The following CERS4 variants were observed in gnomAD, a reference collection of about 807,000 sequenced individuals.
CERS4 encodes the protein ceramide synthase 4.
Under a neutral mutation model 51.8 loss-of-function variants are expected in CERS4, and 65 were observed. The ratio of observed to expected loss-of-function variants is 1.26; its 90% CI spans 1.03 to 1.54. The LOEUF (loss-of-function observed/expected upper bound fraction) is 1.54. Ranked by LOEUF, CERS4 falls within the 40% of genes most tolerant of loss-of-function variation. CERS4 has a pLI of 0.00. For synonymous variants in CERS4, 228 were observed against 208.4 expected (o/e 1.09, Z -0.81); for missense variants, 563 against 500.4 (o/e 1.13, Z -1.19).
At chr19:8,215,478 CAA>C (rs571513195) in intron 2 of CERS4, among the ~76,000 whole-genome samples, 1 of 128,514 alleles carries the variant, frequency 7.8e-6, no homozygotes, top group Non-Finnish European at 1.7e-5. Context: ...GACTCTGTCT[CAA>C]AAAAAAAAAA....
chr19:8,209,497 A>G lies in CERS4; in HGVS notation c.-159+3A>G, dbSNP rs865807212. On this transcript the variant is annotated splice_donor_region_variant and intron_variant, in intron 1 of 11. Transcript: ENST00000251363. ...CGCCCGGCCGCCTGCACCCCCAGGT[A>G]AGCGAGCACCCCGCGCCGCGAACAC... is the stretch of plus-strand genomic sequence containing the variant. The G allele has an allele frequency of 6.6e-6, 1 of 151,674 alleles. No homozygotes were observed. Among genetic ancestry groups the G allele is most frequent in the South Asian group, 2.1e-4 (1 of 4,852 alleles). 9.4% of individuals were successfully genotyped at this position (151,674 alleles called of 1,614,324 possible).
rs1568540424 is a variant in CERS4, at chr19:8,257,983, CCAGT to C, written c.847_848+2del. 6 of 1,612,692 alleles carry C rather than the reference CCAGT, an allele frequency of 3.7e-6. No individual in the cohort carries two copies. The highest frequency in any genetic ancestry group is 5.1e-6 in the Non-Finnish European group (6 of 1,179,072). ...ACACCCGACTGGTCCTCTTTCCCAC[CCAGT>C]GAGTCAGCCCTCCCATGGGGGTCAG... On this transcript the variant is annotated splice_donor_variant and coding_sequence_variant, in exon 10 of 12. Transcript: ENST00000251363. LOFTEE classifies it high-confidence loss of function.
intron 2 of CERS4, chr19:8,238,436 G>A (rs763188795): frequency 2.0e-4 from 171 of 873,936 alleles, no homozygotes; most frequent in Non-Finnish European, 2.3e-4. Flanking sequence ...TTGGAAAAAG[G>A]GCACTGATGC....
At chr19:8,229,698 CA>C (rs1272172026) in intron 2 of CERS4, among the ~76,000 whole-genome samples, 38 of 152,072 alleles carry the variant, frequency 2.5e-4, no homozygotes, top group African/African-American at 8.9e-4. Context: ...AGGTGTGAGC[CA>C]ACATGCCCAG....
chr19:8,211,010 A>G (rs1242009680), intron 2 of CERS4, 148 bp downstream of exon 2: 1 of 151,744 alleles, frequency 6.6e-6, no homozygotes, highest in African/African-American at 2.4e-5. Context: ...TCATGGATCG[A>G]TGAAAGCCGA....
chr19:8,220,021 T>C (rs915695881), intron 2 of CERS4, among the ~76,000 whole-genome samples: 17 of 151,536 alleles, frequency 1.1e-4, no homozygotes, highest in Non-Finnish European at 1.5e-4. Context: ...GATACATACC[T>C]GGGGACCCTG....
chr19:8,221,884 T>TGTTG (rs764034951), intron 2 of CERS4, among the ~76,000 whole-genome samples: 1 of 96,780 alleles, frequency 1.0e-5, no homozygotes, highest in East Asian at 3.0e-4. Context: ...TTTTTTTTTT[T>TGTTG]TTTTTTTTTT....
chr19:8,256,664 T>TCTA lies in CERS4; in HGVS notation c.568_570dup (p.Tyr190dup). On this transcript the variant is annotated inframe_insertion, in exon 8 of 12. Transcript: ENST00000251363. Reference sequence around the variant, plus strand: ...TGGTGGTACCTCTTGGAGCTGGGTTTCTACCTCTCACTGCTAATCAGGCTG... The same window carrying TCTA: ...TGGTGGTACCTCTTGGAGCTGGGTTTCTACTACCTCTCACTGCTAATCAGGCTG... 6.2e-7 allele frequency: 1 copy of TCTA among 1,613,986 alleles called. No homozygotes were observed. The highest frequency in any genetic ancestry group is 2.2e-5 in the East Asian group (1 of 44,880).
rs565319500 is a variant in CERS4, at chr19:8,219,392, C to T, written c.-2+8530C>T. Among the ~76,000 whole-genome samples, 24 of 152,288 alleles carry T rather than the reference C, an allele frequency of 1.6e-4. No individual in the cohort carries two copies. The East Asian group carries it at 3.3e-3, about 21-fold the overall frequency. Reference sequence around the variant, plus strand: ...CAGATGGATGCCTGGAGGCCGGACACGGTGGCTTGCACCTGTCATCCCAAC... The same window carrying T: ...CAGATGGATGCCTGGAGGCCGGACATGGTGGCTTGCACCTGTCATCCCAAC... On this transcript the variant is annotated intron_variant, in intron 2 of 11. Transcript: ENST00000251363.
At chr19:8,228,758 T>TC (rs1447556784) in intron 2 of CERS4, among the ~76,000 whole-genome samples, 1 of 151,342 alleles carries the variant, frequency 6.6e-6, no homozygotes, top group African/African-American at 2.4e-5. Flanking sequence ...TCATGGTGGC[T>TC]CATGCCTGTA....
At chr19:8,219,907 C>T (rs1599514174) in intron 2 of CERS4, among the ~76,000 whole-genome samples, 2 of 151,706 alleles carry the variant, frequency 1.3e-5, no homozygotes, top group East Asian at 3.9e-4. Context: ...CATTTGAACC[C>T]AAGAGTTTGA....
At chr19:8,260,266 CCCA>C (rs907496142) in intron 10 of CERS4, among the ~76,000 whole-genome samples, 27 of 151,436 alleles carry the variant, frequency 1.8e-4, no homozygotes, top group African/African-American at 6.3e-4. Flanking sequence ...GTGATCTCAG[CCCA>C]CCACAACCTC....
At position 8,257,932 on chromosome 19, in the gene CERS4, C is replaced by T. The variant is rs978815201; in HGVS notation, c.795C>T (p.Phe265=). 1 of 1,614,078 alleles carries T rather than the reference C, an allele frequency of 6.2e-7. No homozygotes were observed. Among genetic ancestry groups the T allele is most frequent in the African/African-American group, 1.3e-5 (1 of 75,048 alleles). ...ATCAGCAAGTGTGCGACGCTCTCTTCCTCATCTTCTCCTTTGTCTTCTTCT... is the reference window on the plus strand; with the variant it reads ...ATCAGCAAGTGTGCGACGCTCTCTTTCTCATCTTCTCCTTTGTCTTCTTCT... ...MQYQQVCDAL[F]LIFSFVFFYT... Residue 265 remains phenylalanine (F), a synonymous_variant, in exon 10 of 12, where the codon TTC becomes TTT. Coordinates refer to ENST00000251363, the MANE Select transcript of CERS4 (RefSeq NM_024552.3).
intron 2 of CERS4, among the ~76,000 whole-genome samples, chr19:8,244,547 C>T (rs1348980955): frequency 6.6e-6 from 1 of 152,018 alleles, no homozygotes; most frequent in African/African-American, 2.4e-5. Flanking sequence ...GCATTTGGCT[C>T]TTGGGGGGCC....
At chr19:8,257,706 A>C (rs1969470217) in intron 9 of CERS4, among the ~76,000 whole-genome samples, 173 bp from the exon 10 acceptor site, 1 of 152,302 alleles carries the variant, frequency 6.6e-6, no homozygotes, top group African/African-American at 2.4e-5. Context: ...CTGGGATTAC[A>C]GGCGTGAGCC....
chr19:8,245,123 A>AAAACAAACAAAAACAAAAAAAC (rs1568523481), intron 2 of CERS4, among the ~76,000 whole-genome samples: 29 of 58,326 alleles, frequency 5.0e-4, no homozygotes, highest in South Asian at 1.8e-3. Context: ...AAAAAAAAAA[A>AAAACAAACAAAAACAAAAAAAC]AAAAAAAAAA....
At chr19:8,240,466 A>C (rs1362868224) in intron 2 of CERS4, 1 of 152,142 alleles carries the variant, frequency 6.6e-6, no homozygotes, top group Non-Finnish European at 1.5e-5. Flanking sequence ...GTTATCTGCA[A>C]ACAGCCCCCT....
intron 10 of CERS4, among the ~76,000 whole-genome samples, chr19:8,258,376 A>G (rs1969507320): frequency 6.6e-6 from 1 of 152,206 alleles, no homozygotes; most frequent in African/African-American, 2.4e-5. Context: ...AGCCACGTGA[A>G]CTGCACAGCA....
chr19:8,223,864 C>T (rs932817698), intron 2 of CERS4, among the ~76,000 whole-genome samples: 5 of 151,764 alleles, frequency 3.3e-5, no homozygotes, highest in South Asian at 2.1e-4. Context: ...TTTGGGAGAC[C>T]GAGGCGGGCG....
Sources: allele counts gnomAD v4.1 joint callset (sites outside exome capture counted in the v4.1 genomes callset), GRCh38; gene constraint gnomAD v4.1.1; transcripts MANE v1.5; gene names NCBI Gene and HGNC (gene_info 2026-07-23, HGNC 2026-07-21).